The following MSN variants were observed in gnomAD, a reference collection of about 807,000 sequenced individuals.
MSN encodes the protein epididymis luminal protein 70.
In MSN, 2 loss-of-function variants were observed where a neutral mutation model predicts 48.0. That is an observed-to-expected ratio of 0.04 (90% CI 0.02 to 0.13). The LOEUF (loss-of-function observed/expected upper bound fraction) is 0.13, where lower values mean the gene tolerates loss of function less well. MSN is among the 10% of genes least tolerant of loss of function. The pLI, the probability that MSN is intolerant of heterozygous loss-of-function variation, is 1.00. For missense variants in MSN, 267 were observed against 470.1 expected (o/e 0.57, Z 3.99); for synonymous variants, 146 against 166.9 (o/e 0.87, Z 0.97).
intron 1 of MSN, among the ~76,000 whole-genome samples, chrX:65,611,850 A>G (rs762847295): frequency 9.0e-6 from 1 of 111,369 alleles, no homozygotes; most frequent in Admixed American, 9.6e-5. Context: ...AGAAGCTCCA[A>G]TTTCTCTATA....
chrX:65,696,300 T>C (rs1170249256), intron 1 of MSN, among the ~76,000 whole-genome samples: 1 of 111,462 alleles, frequency 9.0e-6, no homozygotes, highest in Non-Finnish European at 1.9e-5. Flanking sequence ...TCTGATAAAG[T>C]GGTGGTATGT....
chrX:65,730,956 T>TG (rs1246991134), intron 4 of MSN, 151 bp from the exon 5 acceptor site: 2 of 416,482 alleles, frequency 4.8e-6, no homozygotes, highest in Non-Finnish European at 8.5e-6. Flanking sequence ...AACACCTTCT[T>TG]GCTATAATTT....
At position 65,725,249 on chromosome X, in the gene MSN, A is replaced by G. The variant is rs756470489; in HGVS notation, c.97-2565A>G. Among the ~76,000 whole-genome samples, 22 of 112,177 alleles carry G rather than the reference A, an allele frequency of 2.0e-4. No homozygotes were observed. In the South Asian group the frequency reaches 7.0e-3, roughly 36 times the overall value. ...ACCTCCCAGCACTGCCACACCGGCA[A>G]TGAAGCATCAACATGAGTTTTGGTG... is the stretch of plus-strand genomic sequence containing the variant. On this transcript the variant is annotated intron_variant, in intron 2 of 12. Coordinates refer to ENST00000360270, the MANE Select transcript of MSN (RefSeq NM_002444.3).
intron 3 of MSN, among the ~76,000 whole-genome samples, chrX:65,728,487 G>T (rs1262593200): frequency 9.1e-6 from 1 of 110,242 alleles, no homozygotes; most frequent in Admixed American, 9.6e-5. Context: ...TAGAGACGGG[G>T]TTTCACCGTT....
chrX:65,724,563 C>G (rs1275343484), intron 2 of MSN, among the ~76,000 whole-genome samples: 2 of 112,282 alleles, frequency 1.8e-5, no homozygotes, highest in African/African-American at 3.2e-5. Flanking sequence ...TAGTCTGTGC[C>G]TACCTCACTT....
chrX:65,673,041 T>C (rs1363354625), intron 1 of MSN, among the ~76,000 whole-genome samples: 1 of 111,624 alleles, frequency 9.0e-6, no homozygotes, highest in Non-Finnish European at 1.9e-5. Flanking sequence ...GTTTGTTTCA[T>C]TAGTAGATCC....
chrX:65,634,537 C>T (rs1406810024), intron 1 of MSN, among the ~76,000 whole-genome samples: 7 of 110,491 alleles, frequency 6.3e-5, no homozygotes, highest in African/African-American at 9.9e-5. Flanking sequence ...CACTTGAACC[C>T]GGGAGGCAGA....
chrX:65,738,169 C>T (rs1423017959), intron 10 of MSN, among the ~76,000 whole-genome samples: 1 of 112,330 alleles, frequency 8.9e-6, no homozygotes, highest in East Asian at 2.8e-4. Flanking sequence ...TCTAGGATAT[C>T]AGGAAAGGAT....
At chrX:65,624,764 C>G (rs977576184) in intron 1 of MSN, 1 of 90,835 alleles carries the variant, frequency 1.1e-5, no homozygotes, top group Non-Finnish European at 2.1e-5. Context: ...CCAGCCTGGG[C>G]GACAGAGGGA....
chrX:65,679,609 AG>A (rs2071034601), intron 1 of MSN, among the ~76,000 whole-genome samples: 1 of 112,398 alleles, frequency 8.9e-6, no homozygotes, highest in Admixed American at 9.4e-5. Flanking sequence ...AGGGCCTACA[AG>A]GCTGATAGGG....
chrX:65,667,412 G>A (rs2070882351), upstream of MSN, among the ~76,000 whole-genome samples: 2 of 109,769 alleles, frequency 1.8e-5, no homozygotes, highest in South Asian at 7.8e-4. Flanking sequence ...GGACGTGGAA[G>A]GCTAGGGGCT....
intron 6 of MSN, among the ~76,000 whole-genome samples, 198 bp downstream of exon 6, chrX:65,732,182 G>A (rs1004845696): frequency 1.5e-4 from 17 of 111,424 alleles, no homozygotes; most frequent in African/African-American, 5.2e-4. Context: ...GTCAACTATG[G>A]TAGCCACCAG....
intron 1 of MSN, among the ~76,000 whole-genome samples, chrX:65,653,519 G>GT (rs2070757334): frequency 9.0e-6 from 1 of 110,752 alleles, no homozygotes; most frequent in Admixed American, 9.7e-5. Flanking sequence ...TTTTAGGAAC[G>GT]TAAGTGGTGG....
intron 1 of MSN, among the ~76,000 whole-genome samples, chrX:65,668,879 A>G: frequency 8.9e-6 from 1 of 111,784 alleles, no homozygotes; most frequent in South Asian, 3.8e-4. Flanking sequence ...GGCCTAGGCA[A>G]TGCAGTGCTC....
rs768498208 is a variant in MSN at position 65,741,804 on chromosome X, G to A, written c.*1911G>A. ...GTAACTTACCCTTAGGGAGGCTGGG[G>A]GAAAAGGTTAGATTTTGTATTCAGG... On this transcript the variant is annotated 3_prime_UTR_variant, in exon 13 of 13. Transcript: ENST00000360270. 5.5e-5 allele frequency: 9 copies of A among 164,513 alleles called. No individual in the cohort carries two copies. In the South Asian group the frequency reaches 2.6e-3, roughly 47 times the overall value. 13.6% of individuals were successfully genotyped at this position (164,513 alleles called of 1,213,427 possible).
rs754120838 is a variant in MSN, at chrX:65,739,936, T to G, written c.*43T>G. 37 of 1,160,043 alleles carry G rather than the reference T, an allele frequency of 3.2e-5. No individual in the cohort carries two copies. The East Asian group carries it at 1.1e-3, about 34-fold the overall frequency. ...GGGACCCCTCCTCCCTTTTTCCTTG[T>G]CCCCACACTCCTACACCTAACTCAC... is the stretch of plus-strand genomic sequence containing the variant. On this transcript the variant is annotated 3_prime_UTR_variant, in exon 13 of 13. Transcript: ENST00000360270.
chrX:65,715,304 C>T (rs2071452652), intron 1 of MSN, among the ~76,000 whole-genome samples: 1 of 111,636 alleles, frequency 9.0e-6, no homozygotes, highest in South Asian at 3.7e-4. Context: ...GTTATTCAGG[C>T]TGTTTTTTTG....
chrX:65,675,643 T>C (rs1201279958), intron 1 of MSN, among the ~76,000 whole-genome samples: 1 of 104,300 alleles, frequency 9.6e-6, no homozygotes, highest in Non-Finnish European at 2.0e-5. Flanking sequence ...GGCAAATTAA[T>C]TTTTTTTTTT....
intron 1 of MSN, among the ~76,000 whole-genome samples, chrX:65,615,767 T>C (rs1275462041): frequency 1.8e-5 from 2 of 111,289 alleles, no homozygotes; most frequent in Admixed American, 9.7e-5. Flanking sequence ...GTTTTAGACA[T>C]GAAGTCCATG....
Sources: allele counts gnomAD v4.1 joint callset (sites outside exome capture counted in the v4.1 genomes callset), GRCh38; gene constraint gnomAD v4.1.1; transcripts MANE v1.5; gene names NCBI Gene and HGNC (gene_info 2026-07-23, HGNC 2026-07-21).